Variants in GAB3 observed in about 807,000 individuals in gnomAD.
The protein encoded by GAB3 is GRB2-associated-binding protein 3.
A neutral mutation model predicts 40.4 loss-of-function variants in GAB3; 12 were observed. The observed-to-expected ratio is 0.30, with a 90% CI of 0.19 to 0.48. The LOEUF (loss-of-function observed/expected upper bound fraction) is 0.48, where lower values mean the gene tolerates loss of function less well. GAB3 is among the 20% of genes least tolerant of loss of function. The pLI, the probability that GAB3 is intolerant of heterozygous loss-of-function variation, is 0.99. For synonymous variants in GAB3, 154 were observed against 176.7 expected, an observed-to-expected ratio of 0.87 and a Z score of 1.02; for missense variants, 381 against 461.9, an observed-to-expected ratio of 0.82 and a Z score of 1.61.
At chrX:154,721,111 A>C (rs145020299) in intron 1 of GAB3, among the ~76,000 whole-genome samples, 56 of 112,374 alleles carry the variant, frequency 5.0e-4, no homozygotes, top group African/African-American at 1.6e-3. Context: ...AAATGTTTGC[A>C]AACTACATTA....
intron 4 of GAB3, among the ~76,000 whole-genome samples, chrX:154,704,567 C>A (rs2070780692): frequency 9.0e-6 from 1 of 110,820 alleles, no homozygotes; most frequent in African/African-American, 3.3e-5. Context: ...GCAAACCAAA[C>A]TGAAAAATAG....
chrX:154,689,689 C>T (rs2070520704), intron 8 of GAB3, among the ~76,000 whole-genome samples: 1 of 110,908 alleles, frequency 9.0e-6, no homozygotes, highest in Non-Finnish European at 1.9e-5. Flanking sequence ...GAATAAAATA[C>T]CTAGGAATCC....
intron 1 of GAB3, among the ~76,000 whole-genome samples, chrX:154,741,247 T>C (rs2071432970): frequency 8.9e-6 from 1 of 112,023 alleles, no homozygotes; most frequent in African/African-American, 3.2e-5. Context: ...TTGAGCCCAT[T>C]AAACCTCTTT....
chrX:154,708,420 ACAAT>A (rs1488550170), intron 4 of GAB3, among the ~76,000 whole-genome samples: 5 of 112,513 alleles, frequency 4.4e-5, no homozygotes, highest in Non-Finnish European at 9.4e-5. Flanking sequence ...AGCAAAGGAA[ACAAT>A]CAACAAAATG....
chrX:154,709,597 C>CG (rs782148399), intron 4 of GAB3, among the ~76,000 whole-genome samples: 9 of 109,782 alleles, frequency 8.2e-5, no homozygotes, highest in Non-Finnish European at 1.5e-4. Flanking sequence ...GGATTACAGT[C>CG]TGAGCCACCG....
At position 154,677,021 on chromosome X, in the gene GAB3, A is replaced by G. The variant is rs1388648831; in HGVS notation, c.*1157T>C. On this transcript the variant is annotated 3_prime_UTR_variant, in exon 10 of 10. Transcript: ENST00000424127. ...AGCAGAAGGGAGCAATTGGCTGGGA[A>G]ACCTAAGAATGGAATTCATAGGTTT... 9.0e-6 allele frequency: 1 copy of G among 111,344 alleles called. No homozygotes were observed. The highest frequency in any genetic ancestry group is 1.9e-5 in the Non-Finnish European group (1 of 53,014). The allele number at this position is 111,344 out of a possible 1,213,427, so 9.2% of individuals were successfully genotyped here. A position where few individuals can be genotyped will look rare whatever the true frequency, so the allele number is the denominator to read the frequency against.
intron 8 of GAB3, among the ~76,000 whole-genome samples, chrX:154,686,741 T>C (rs2070455644): frequency 9.1e-6 from 1 of 109,860 alleles, no homozygotes; most frequent in African/African-American, 3.3e-5. Flanking sequence ...CAATCATATT[T>C]CTATATACCA....
intron 1 of GAB3, among the ~76,000 whole-genome samples, chrX:154,736,388 G>A (rs1227241110): frequency 8.9e-6 from 1 of 112,124 alleles, no homozygotes; most frequent in Non-Finnish European, 1.9e-5. Flanking sequence ...CACAAAAAGG[G>A]AGACAACCAG....
chrX:154,709,071 C>T (rs2070865879), intron 4 of GAB3, among the ~76,000 whole-genome samples: 1 of 110,845 alleles, frequency 9.0e-6, no homozygotes, highest in Non-Finnish European at 1.9e-5. Context: ...TCAGCACCAT[C>T]CCCCTAGTGC....
At position 154,677,168 on chromosome X, in the gene GAB3, A is replaced by T. The variant is rs2070307960; in HGVS notation, c.*1010T>A. The T allele has an allele frequency of 8.9e-6, 1 of 111,947 alleles. No individual in the cohort carries two copies. The allele number at this position is 111,947 out of a possible 1,213,427, so 9.2% of individuals were successfully genotyped here. On this transcript the variant is annotated 3_prime_UTR_variant, in exon 10 of 10. Transcript: ENST00000424127. ...TTGTAACTACTGATGGGAGAGTTCC[A>T]GTTGAACATCGCAGAAAGAAACCCT... is the stretch of plus-strand genomic sequence containing the variant.
intron 1 of GAB3, among the ~76,000 whole-genome samples, chrX:154,743,774 T>G (rs781829466): frequency 1.7e-4 from 19 of 111,458 alleles, no homozygotes; most frequent in Non-Finnish European, 3.4e-4. Context: ...TAAAAAAGGC[T>G]CTATTAGCCC....
intron 5 of GAB3, among the ~76,000 whole-genome samples, 164 bp from the exon 6 acceptor site, chrX:154,699,677 GGACTT>G (rs2070712122): frequency 8.9e-6 from 1 of 112,376 alleles, no homozygotes. Context: ...TTCTGCCTCT[GGACTT>G]ATCGTTTTAG....
At position 154,716,185 on chromosome X, in the gene GAB3, G is replaced by T; in HGVS notation, c.217C>A (p.Pro73Thr). Residue 73 changes from proline (P) to threonine (T), a missense_variant, in exon 2 of 10, where the codon CCC becomes ACC. By Grantham distance (38) the Pro-to-Thr change is conservative. Coordinates refer to ENST00000424127, the MANE Select transcript of GAB3 (RefSeq NM_001081573.3). ...SECAVWKHVG[P>T]SFVRKEFQNN... ...TGAAATTCCTTCCGAACAAAGCTGG[G>T]GCCCACATGCTTCCACACTGCACAC... The T allele has an allele frequency of 8.2e-7, 1 of 1,212,360 alleles. No individual in the cohort carries two copies. The highest frequency in any genetic ancestry group is 2.3e-4 in the Middle Eastern group (1 of 4,356).
At chrX:154,697,995 T>C (rs782405520) in intron 6 of GAB3, among the ~76,000 whole-genome samples, 54 of 112,336 alleles carry the variant, frequency 4.8e-4, no homozygotes, top group African/African-American at 1.3e-3. Context: ...ACATCTTCTG[T>C]TGCCTATCAC....
At chrX:154,695,223 C>T (rs1215517135) in intron 8 of GAB3, among the ~76,000 whole-genome samples, 1 of 111,678 alleles carries the variant, frequency 9.0e-6, no homozygotes, top group African/African-American at 3.3e-5. Context: ...AAAGTGTCTG[C>T]TAATTGCCAG....
intron 8 of GAB3, among the ~76,000 whole-genome samples, chrX:154,684,003 A>G (rs1467265925): frequency 3.6e-5 from 4 of 111,718 alleles, no homozygotes. Flanking sequence ...ACTACATTTT[A>G]TTCACACATT....
rs7888328 is a variant in GAB3, at chrX:154,699,944, C to T, written c.1125+60G>A. The T allele has an allele frequency of 2.7e-4, 252 of 921,168 alleles. No homozygotes were observed. In the African/African-American group the frequency reaches 4.3e-3, roughly 16 times the overall value. 75.9% of individuals were successfully genotyped at this position (921,168 alleles called of 1,213,427 possible). A position where few individuals can be genotyped will look rare whatever the true frequency, so the allele number is the denominator to read the frequency against. On this transcript the variant is annotated intron_variant, in intron 5 of 9. Transcript: ENST00000424127. ...ATCTTAAAGATTTCAAGGGAATATACATAGATCAAGCTGTTTTTGGTAAAA... is the reference window on the plus strand; with the variant it reads ...ATCTTAAAGATTTCAAGGGAATATATATAGATCAAGCTGTTTTTGGTAAAA...
intron 1 of GAB3, among the ~76,000 whole-genome samples, chrX:154,749,716 C>G (rs1464253039): frequency 2.7e-5 from 3 of 112,549 alleles, no homozygotes; most frequent in African/African-American, 9.7e-5. Context: ...CAACAAAAAT[C>G]TTTTCAAAGA....
intron 4 of GAB3, among the ~76,000 whole-genome samples, chrX:154,705,512 A>C (rs948426540): frequency 9.0e-6 from 1 of 111,717 alleles, no homozygotes; most frequent in Admixed American, 9.5e-5. Context: ...TAGATGCATA[A>C]AAAGCATTTG....
Sources: allele counts gnomAD v4.1 joint callset (sites outside exome capture counted in the v4.1 genomes callset), GRCh38; gene constraint gnomAD v4.1.1; transcripts MANE v1.5; gene names NCBI Gene and HGNC (gene_info 2026-07-23, HGNC 2026-07-21).